CSMD1: variants seen among roughly 807,000 people sequenced by gnomAD.
The protein encoded by CSMD1 is CUB and sushi domain-containing protein 1.
CSMD1 carries 213 observed loss-of-function variants against 417.5 expected under a neutral mutation model. The ratio of observed to expected loss-of-function variants is 0.51; its 90% CI spans 0.46 to 0.57. The LOEUF (loss-of-function observed/expected upper bound fraction) is 0.57. Ranked by LOEUF, CSMD1 falls within the 20% of genes least tolerant of loss-of-function variation. The pLI is 0.00. For synonymous variants in CSMD1, 2,862 were observed against 1,736.8 expected, an observed-to-expected ratio of 1.65 and a Z score of -16.11; for missense variants, 6,923 against 4,529.7, an observed-to-expected ratio of 1.53 and a Z score of -15.17.
At chr8:3,575,170 T>TA (rs11352452) in intron 9 of CSMD1, 104 bp from the exon 10 acceptor site, 8,653 of 806,090 alleles carry the variant, frequency 0.011, 294 homozygotes, top group African/African-American at 0.1. Context: ...CTAATCACAG[T>TA]AAAAAAAAAA....
intron 3 of CSMD1, among the ~76,000 whole-genome samples, chr8:4,342,946 T>G (rs1800564326): frequency 6.6e-6 from 1 of 152,042 alleles, no homozygotes; most frequent in South Asian, 2.1e-4. Context: ...ATCTGTAAGT[T>G]TCAGACTCTG....
intron 10 of CSMD1, among the ~76,000 whole-genome samples, chr8:3,549,127 T>G (rs1033007668): frequency 6.6e-6 from 1 of 152,204 alleles, no homozygotes; most frequent in East Asian, 1.9e-4. Flanking sequence ...CCCGCTTCCA[T>G]GTTTGCTTTG....
At position 3,911,601 on chromosome 8, in the gene CSMD1, G is replaced by T. The variant is rs563238253; in HGVS notation, c.818+86302C>A. On this transcript the variant is annotated intron_variant, in intron 5 of 69. Transcript: ENST00000635120. ...ACACCAGCTGGTCTTTATATTTCCA[G>T]TTTCTCTGCCATCCAATTCGATTAA... Among the ~76,000 whole-genome samples, 3 of 151,432 alleles carry T rather than the reference G, an allele frequency of 2.0e-5. No homozygotes were observed. The East Asian group carries it at 5.8e-4, about 29-fold the overall frequency.
At chr8:4,242,837 T>C (rs771508563) in intron 3 of CSMD1, among the ~76,000 whole-genome samples, 6 of 152,146 alleles carry the variant, frequency 3.9e-5, no homozygotes, top group Admixed American at 6.5e-5. Context: ...TGACTATTAG[T>C]GAAGTCACTA....
chr8:4,190,509 G>A (rs1798959485), intron 3 of CSMD1, among the ~76,000 whole-genome samples: 1 of 149,940 alleles, frequency 6.7e-6, no homozygotes, highest in East Asian at 2.0e-4. Context: ...ATACAATCAG[G>A]AATACAAATT....
chr8:4,316,528 G>A (rs376272683), intron 3 of CSMD1, among the ~76,000 whole-genome samples: 11 of 151,984 alleles, frequency 7.2e-5, no homozygotes, highest in African/African-American at 2.4e-4. Flanking sequence ...TTCCATAATA[G>A]ATTTCTGGTA....
chr8:3,270,903 C>CT (rs1028787517), intron 26 of CSMD1, among the ~76,000 whole-genome samples: 11 of 80,408 alleles, frequency 1.4e-4, no homozygotes, highest in East Asian at 2.8e-4. Context: ...CAAGTCACAT[C>CT]TTTTTTTCTT....
At chr8:4,150,890 T>TAACAAATTA (rs74407091) in intron 3 of CSMD1, among the ~76,000 whole-genome samples, 2 of 152,132 alleles carry the variant, frequency 1.3e-5, no homozygotes, top group South Asian at 4.1e-4. Context: ...GAGAAACGCC[T>TAACAAATTA]GAGAAAGAGC....
In CSMD1 at chr8:3,499,431, G is replaced by A. The variant is rs560186667; in HGVS notation, c.1345-5705C>T. ...GGAATGAGTTTTCTGGCAGTGGTTG[G>A]CCTCAGGTGGGCTGGTCCTTGGGTC... On this transcript the variant is annotated intron_variant, in intron 10 of 69. Transcript: ENST00000635120. 4.6e-5 allele frequency among the ~76,000 whole-genome samples: 7 copies of A among 152,190 alleles called. No homozygotes were observed. The South Asian group carries it at 1.5e-3, about 32-fold the overall frequency.
At chr8:4,595,496 G>C (rs1190468921) in intron 2 of CSMD1, among the ~76,000 whole-genome samples, 3 of 151,938 alleles carry the variant, frequency 2.0e-5, no homozygotes, top group African/African-American at 7.2e-5. Context: ...CTCTCAAATG[G>C]TGGCAATTGT....
At chr8:4,600,221 C>A (rs1378214690) in intron 2 of CSMD1, among the ~76,000 whole-genome samples, 1 of 55,902 alleles carries the variant, frequency 1.8e-5, no homozygotes, top group Non-Finnish European at 5.2e-5. Context: ...CATGGACCCT[C>A]CTCACGTGAT....
chr8:4,495,120 C>G (rs7010197), intron 2 of CSMD1, among the ~76,000 whole-genome samples: 76,741 of 151,952 alleles, frequency 0.51, 19,593 homozygotes, highest in South Asian at 0.61. Flanking sequence ...ACATGGACAA[C>G]AGGCAGCATT....
chr8:4,132,840 T>C (rs1803193301), intron 3 of CSMD1, among the ~76,000 whole-genome samples: 1 of 152,198 alleles, frequency 6.6e-6, no homozygotes, highest in Non-Finnish European at 1.5e-5. Context: ...AGACAGTTTG[T>C]AGCTCAAGAC....
intron 2 of CSMD1, among the ~76,000 whole-genome samples, chr8:4,435,783 C>G (rs903032430): frequency 1.3e-5 from 2 of 152,160 alleles, no homozygotes; most frequent in African/African-American, 4.8e-5. Context: ...GACAGCTAAA[C>G]AAGACAATAG....
At chr8:4,115,860 A>G (rs1393386012) in intron 3 of CSMD1, among the ~76,000 whole-genome samples, 2 of 152,282 alleles carry the variant, frequency 1.3e-5, no homozygotes, top group Admixed American at 6.5e-5. Context: ...ATGATCCCCA[A>G]TCATATGACA....
At chr8:3,176,185 C>A (rs1400315872) in intron 37 of CSMD1, among the ~76,000 whole-genome samples, 1 of 152,050 alleles carries the variant, frequency 6.6e-6, no homozygotes, top group Non-Finnish European at 1.5e-5. Flanking sequence ...GATTATTAAA[C>A]AAGTATTATT....
Position 3,298,907 on chromosome 8 carries a change from G to T in CSMD1, c.3950+8788C>A, listed in dbSNP as rs893704317. 3.3e-5 allele frequency among the ~76,000 whole-genome samples: 5 copies of T among 152,192 alleles called. No homozygotes were observed. The East Asian group carries it at 9.7e-4, about 29-fold the overall frequency. Reference sequence around the variant, plus strand: ...TTATCTGAGTTCTGGTTACATGGGGGTGTTTCTTTTGTGAACAAGCCACAT... The same window carrying T: ...TTATCTGAGTTCTGGTTACATGGGGTTGTTTCTTTTGTGAACAAGCCACAT... On this transcript the variant is annotated intron_variant, in intron 25 of 69. Coordinates refer to ENST00000635120, the MANE Select transcript of CSMD1 (RefSeq NM_033225.6).
chr8:4,582,390 A>G lies in CSMD1; in HGVS notation c.302+54952T>C, dbSNP rs144530008. Reference sequence around the variant, plus strand: ...CATAATTGTTTTGAGGACAAAGGAGAGATTATCAGGGCTGCAACAACTTGA... The same window carrying G: ...CATAATTGTTTTGAGGACAAAGGAGGGATTATCAGGGCTGCAACAACTTGA... On this transcript the variant is annotated intron_variant, in intron 2 of 69. Transcript: ENST00000635120. Among the ~76,000 whole-genome samples, 205 of 152,302 alleles carry G rather than the reference A, an allele frequency of 1.3e-3. 1 individual carries two copies. The highest frequency in any genetic ancestry group is 2.2e-3 in the Non-Finnish European group (147 of 68,014).
intron 1 of CSMD1, among the ~76,000 whole-genome samples, chr8:4,690,398 T>A (rs1806689616): frequency 1.3e-5 from 2 of 152,148 alleles, no homozygotes; most frequent in Non-Finnish European, 2.9e-5. Context: ...GCTAACACAT[T>A]CAAAATTTCA....
Sources: allele counts gnomAD v4.1 joint callset (sites outside exome capture counted in the v4.1 genomes callset), GRCh38; gene constraint gnomAD v4.1.1; transcripts MANE v1.5; gene names NCBI Gene and HGNC (gene_info 2026-07-23, HGNC 2026-07-21).